Variants in PKNOX1 observed in about 807,000 individuals in gnomAD.
The protein encoded by PKNOX1 is homeobox protein PKNOX1.
Under a neutral mutation model 51.9 loss-of-function variants are expected in PKNOX1, and 15 were observed. The observed-to-expected ratio is 0.29, with a 90% confidence interval of 0.19 to 0.45. The LOEUF (loss-of-function observed/expected upper bound fraction) is 0.45. Among genes scored for constraint, PKNOX1 ranks in the 20% least tolerant of loss-of-function variants. The pLI is 1.00. For synonymous variants in PKNOX1, 219 were observed against 211.1 expected, an observed-to-expected ratio of 1.04 and a Z score of -0.32; for missense variants, 462 against 547.5, an observed-to-expected ratio of 0.84 and a Z score of 1.56.
chr21:43,008,061 T>TCTCACACACA (rs59792199), intron 3 of PKNOX1, among the ~76,000 whole-genome samples: 6,298 of 146,788 alleles, frequency 0.043, 178 homozygotes, highest in Middle Eastern at 0.11. Context: ...CAAAACTCTG[T>TCTCACACACA]CACACACACA....
intron 9 of PKNOX1, among the ~76,000 whole-genome samples, chr21:43,028,449 CAA>C (rs11394284): frequency 1.3e-5 from 2 of 149,808 alleles, no homozygotes; most frequent in Non-Finnish European, 1.5e-5. Flanking sequence ...GGAGTTGAGA[CAA>C]AAAAAAAAAT....
chr21:43,028,982 C>T (rs766703365), intron 10 of PKNOX1, 108 bp downstream of exon 10: 20 of 1,132,532 alleles, frequency 1.8e-5, no homozygotes, highest in South Asian at 3.8e-5. Context: ...ATGTGGTGAA[C>T]GAGAGTGCGT....
chr21:42,997,251 C>CT (rs1978546119), intron 1 of PKNOX1, among the ~76,000 whole-genome samples: 1 of 152,198 alleles, frequency 6.6e-6, no homozygotes, highest in Non-Finnish European at 1.5e-5. Context: ...GCCCTGCTGA[C>CT]TCATTTTCAA....
chr21:43,029,096 T>G, intron 10 of PKNOX1: 1 of 593,638 alleles, frequency 1.7e-6, no homozygotes, highest in Non-Finnish European at 3.0e-6. Context: ...GTAAAACACG[T>G]GATAGAGATA....
intron 1 of PKNOX1, among the ~76,000 whole-genome samples, chr21:42,979,389 A>G (rs991256829): frequency 3.9e-5 from 6 of 152,260 alleles, no homozygotes; most frequent in African/African-American, 1.2e-4. Context: ...CAGATCTTCA[A>G]CTTGTGAAAA....
chr21:42,992,963 A>G (rs1463666756), intron 1 of PKNOX1, among the ~76,000 whole-genome samples: 7 of 133,484 alleles, frequency 5.2e-5, no homozygotes, highest in African/African-American at 2.0e-4. Context: ...GGGCTTTCTC[A>G]TAGCAGTGTC....
At position 42,988,425 on chromosome 21, in the gene PKNOX1, A is replaced by T. The variant is rs554270119; in HGVS notation, c.-57+13761A>T. 9.2e-5 allele frequency among the ~76,000 whole-genome samples: 14 copies of T among 152,184 alleles called. 1 individual carries two copies. Among genetic ancestry groups the T allele is most frequent in the African/African-American group, 3.4e-4 (14 of 41,488 alleles). ...AATCAAATAGCAGAACTGTTGGGAG[A>T]TATGAAAAACACATGGGGATTTGGT... On this transcript the variant is annotated intron_variant, in intron 1 of 10. Transcript: ENST00000291547.
intron 10 of PKNOX1, 70 bp downstream of exon 10, chr21:43,028,944 C>T: frequency 3.4e-6 from 5 of 1,489,092 alleles, no homozygotes. Flanking sequence ...AGGCCTGGAT[C>T]AGGCCTGTTA....
chr21:43,027,229 C>A (rs4920034), intron 9 of PKNOX1, among the ~76,000 whole-genome samples: 3 of 152,138 alleles, frequency 2.0e-5, no homozygotes, highest in Admixed American at 1.3e-4. Flanking sequence ...AGAAACGAGG[C>A]CTTAAGCATG....
intron 1 of PKNOX1, among the ~76,000 whole-genome samples, chr21:42,993,941 C>G (rs959318675): frequency 6.6e-6 from 1 of 150,794 alleles, no homozygotes; most frequent in African/African-American, 2.4e-5. Flanking sequence ...CCATGTTGGC[C>G]AGGCTGGTCT....
At chr21:43,000,929 G>C (rs1293703645) in intron 1 of PKNOX1, among the ~76,000 whole-genome samples, 2 of 152,124 alleles carry the variant, frequency 1.3e-5, no homozygotes, top group Admixed American at 1.3e-4. Context: ...ACTGGAAGAG[G>C]GAAGACTAGA....
intron 1 of PKNOX1, among the ~76,000 whole-genome samples, chr21:42,994,739 G>T (rs1978414963): frequency 6.6e-6 from 1 of 151,892 alleles, no homozygotes; most frequent in African/African-American, 2.4e-5. Context: ...TGATATTTAT[G>T]CTGTGAGCTT....
chr21:43,004,713 T>C (rs1444295551), intron 2 of PKNOX1, among the ~76,000 whole-genome samples: 1 of 152,254 alleles, frequency 6.6e-6, no homozygotes, highest in Non-Finnish European at 1.5e-5. Context: ...ACTGTTACTT[T>C]GAAAGAAAAC....
chr21:43,028,662 G>A lies in PKNOX1; in HGVS notation c.927-40G>A, dbSNP rs199733447. 2.2e-5 allele frequency: 35 copies of A among 1,597,954 alleles called. No individual in the cohort carries two copies. The Admixed American group carries it at 2.5e-4, about 12-fold the overall frequency. On this transcript the variant is annotated intron_variant, in intron 9 of 10. Coordinates refer to ENST00000291547, the MANE Select transcript of PKNOX1 (RefSeq NM_004571.5). Reference sequence around the variant, plus strand: ...TGTTAATCCTGTATAGGGTCTTTACGAAGGCTGTTTTCATGGAAGCTTCTC... The same window carrying A: ...TGTTAATCCTGTATAGGGTCTTTACAAAGGCTGTTTTCATGGAAGCTTCTC...
In PKNOX1 at chr21:43,003,416, G is replaced by A. The variant is rs112344386; in HGVS notation, c.-56-910G>A. Among the ~76,000 whole-genome samples the A allele has an allele frequency of 4.6e-5, 7 of 152,286 alleles. 1 individual carries two copies. Among genetic ancestry groups the A allele is most frequent in the African/African-American group, 1.7e-4 (7 of 41,556 alleles). ...AGTGCGCCACACTTGCCTGTCTTATGTGCGTGTGTATATGAGCATGCCCAT... is the reference window on the plus strand; with the variant it reads ...AGTGCGCCACACTTGCCTGTCTTATATGCGTGTGTATATGAGCATGCCCAT... On this transcript the variant is annotated intron_variant, in intron 1 of 10. Coordinates refer to ENST00000291547, the MANE Select transcript of PKNOX1 (RefSeq NM_004571.5).
chr21:43,018,047 C>CAAAAAAAAAAAAAAAAAAAAAAAA, intron 6 of PKNOX1, 86 bp from the exon 7 acceptor site: 1 of 273,750 alleles, frequency 3.7e-6, no homozygotes, highest in East Asian at 7.5e-5. Flanking sequence ...CCTGTCTCTA[C>CAAAAAAAAAAAAAAAAAAAAAAAA]AAAAAAAAAA....
intron 1 of PKNOX1, among the ~76,000 whole-genome samples, chr21:42,978,016 C>T (rs1284080724): frequency 1.3e-5 from 2 of 152,008 alleles, no homozygotes; most frequent in Admixed American, 1.3e-4. Flanking sequence ...CACTTTCTTT[C>T]CCTCCCTCCC....
chr21:42,987,404 A>AAAAAAAAAATATAT, intron 1 of PKNOX1, among the ~76,000 whole-genome samples: 1 of 41,418 alleles, frequency 2.4e-5, no homozygotes, highest in African/African-American at 9.3e-5. Flanking sequence ...AAAAAAAAAA[A>AAAAAAAAAATATAT]ATATATATAT....
chr21:42,983,972 CTT>C (rs1238735723), intron 1 of PKNOX1, among the ~76,000 whole-genome samples: 1 of 152,022 alleles, frequency 6.6e-6, no homozygotes, highest in Admixed American at 6.6e-5. Flanking sequence ...TGTGGAGCAT[CTT>C]TTCACATGTT....
Sources: allele counts gnomAD v4.1 joint callset (sites outside exome capture counted in the v4.1 genomes callset), GRCh38; gene constraint gnomAD v4.1.1; transcripts MANE v1.5; gene names NCBI Gene and HGNC (gene_info 2026-07-23, HGNC 2026-07-21).